MACROD2: variants seen among roughly 807,000 people sequenced by gnomAD.
MACROD2 encodes the protein ADP-ribose glycohydrolase MACROD2.
Under a neutral mutation model 70.4 loss-of-function variants are expected in MACROD2, and 36 were observed. The ratio of observed to expected loss-of-function variants is 0.51; its 90% confidence interval spans 0.39 to 0.68. The LOEUF is 0.68. Ranked by LOEUF, MACROD2 falls within the 30% of genes least tolerant of loss-of-function variation. The pLI is 0.00. For missense variants in MACROD2, 496 were observed against 538.4 expected (o/e 0.92, Z 0.78); for synonymous variants, 172 against 178.8 (o/e 0.96, Z 0.30).
intron 3 of MACROD2, among the ~76,000 whole-genome samples, chr20:14,470,043 G>C (rs1157437446): frequency 6.6e-6 from 1 of 152,050 alleles, no homozygotes; most frequent in East Asian, 1.9e-4. Flanking sequence ...TTTTTGAGCT[G>C]TTTTTTATTC....
intron 8 of MACROD2, among the ~76,000 whole-genome samples, chr20:15,818,221 G>A (rs1334292660): frequency 6.6e-5 from 10 of 152,110 alleles, no homozygotes; most frequent in African/African-American, 2.4e-4. Context: ...GAAAGTAAAG[G>A]AATAAAAAAA....
intron 4 of MACROD2, among the ~76,000 whole-genome samples, chr20:14,526,454 T>C (rs372663226): frequency 1.1e-4 from 16 of 152,214 alleles, no homozygotes; most frequent in African/African-American, 3.9e-4. Context: ...TACATTCCGC[T>C]CATTCACACT....
At chr20:15,193,965 G>A (rs896822481) in intron 5 of MACROD2, among the ~76,000 whole-genome samples, 3 of 152,016 alleles carry the variant, frequency 2.0e-5, no homozygotes, top group Non-Finnish European at 4.4e-5. Context: ...AATCAGGTAG[G>A]CCAGGTGTGG....
At chr20:15,336,943 C>T (rs1177338895) in intron 6 of MACROD2, among the ~76,000 whole-genome samples, 4 of 151,640 alleles carry the variant, frequency 2.6e-5, no homozygotes, top group African/African-American at 9.8e-5. Flanking sequence ...ACAACTATTT[C>T]CTTGAGTATG....
chr20:14,598,141 C>T (rs1180677415), intron 4 of MACROD2, among the ~76,000 whole-genome samples: 3 of 152,114 alleles, frequency 2.0e-5, no homozygotes, highest in Non-Finnish European at 4.4e-5. Flanking sequence ...AGCATTTCTA[C>T]AAGCACTATG....
At chr20:15,975,401 C>T (rs1010957849) in intron 13 of MACROD2, among the ~76,000 whole-genome samples, 2 of 152,072 alleles carry the variant, frequency 1.3e-5, no homozygotes, top group African/African-American at 2.4e-5. Flanking sequence ...CCTAAACTAA[C>T]ACCCACCCAG....
chr20:15,990,963 T>C (rs959398758), intron 15 of MACROD2, among the ~76,000 whole-genome samples: 4 of 152,202 alleles, frequency 2.6e-5, no homozygotes, highest in African/African-American at 9.6e-5. Context: ...TGGGAGCCAA[T>C]GGTCAGCCAT....
intron 5 of MACROD2, among the ~76,000 whole-genome samples, chr20:14,702,456 A>G (rs935072950): frequency 3.3e-5 from 5 of 150,804 alleles, no homozygotes; most frequent in Admixed American, 1.3e-4. Flanking sequence ...ATCCATATAC[A>G]TGGTATTGTG....
intron 4 of MACROD2, among the ~76,000 whole-genome samples, chr20:14,646,438 C>T (rs949072146): frequency 6.6e-6 from 1 of 152,034 alleles, no homozygotes; most frequent in Non-Finnish European, 1.5e-5. Flanking sequence ...CATTAATATT[C>T]AAGTCTATTA....
rs2071967985 is a variant in MACROD2 at position 14,758,208 on chromosome 20, T to G, written c.418+73249T>G. Among the ~76,000 whole-genome samples, 5 of 152,146 alleles carry G rather than the reference T, an allele frequency of 3.3e-5. No homozygotes were observed. In the South Asian group the frequency reaches 1.0e-3, roughly 32 times the overall value. ...TTCTAGTGTCTCCTTTGCTGCGTAT[T>G]TCTTTTGTTTAACCAGAAGATCACT... On this transcript the variant is annotated intron_variant, in intron 5 of 17. Coordinates refer to ENST00000684519, the MANE Select transcript of MACROD2 (RefSeq NM_001351661.2).
In MACROD2 at chr20:14,620,513, A is replaced by T. The variant is rs989787425; in HGVS notation, c.302-64330A>T. On this transcript the variant is annotated intron_variant, in intron 4 of 17. Transcript: ENST00000684519. ...AAAAAGTTTTCTTTTGTTTATCTAG[A>T]TATATATCTCCTCAAATTTAATGAG... Among the ~76,000 whole-genome samples the T allele has an allele frequency of 2.0e-4, 30 of 152,200 alleles. 1 individual carries two copies. The highest frequency in any genetic ancestry group is 7.2e-4 in the African/African-American group (30 of 41,560).
intron 5 of MACROD2, among the ~76,000 whole-genome samples, chr20:14,971,456 G>A (rs2074690546): frequency 6.6e-6 from 1 of 151,702 alleles, no homozygotes; most frequent in Non-Finnish European, 1.5e-5. Context: ...AGGGAGGGGG[G>A]GGACTCTGAA....
intron 3 of MACROD2, among the ~76,000 whole-genome samples, chr20:14,096,141 G>T (rs1473997121): frequency 6.6e-6 from 1 of 152,158 alleles, no homozygotes; most frequent in Non-Finnish European, 1.5e-5. Context: ...TGGACTGAGA[G>T]TGGATTATTT....
chr20:14,110,570 A>AT (rs1490821162), intron 3 of MACROD2, among the ~76,000 whole-genome samples: 1 of 152,054 alleles, frequency 6.6e-6, no homozygotes, highest in East Asian at 1.9e-4. Context: ...AATCAGTAGC[A>AT]TTTTTATATG....
At chr20:15,595,077 AT>A (rs1231845747) in intron 8 of MACROD2, among the ~76,000 whole-genome samples, 1 of 152,102 alleles carries the variant, frequency 6.6e-6, no homozygotes. Context: ...TGTATTCTGC[AT>A]TTCTTAGTTT....
chr20:15,223,927 G>A (rs1651860248), intron 5 of MACROD2, among the ~76,000 whole-genome samples: 1 of 152,156 alleles, frequency 6.6e-6, no homozygotes, highest in South Asian at 2.1e-4. Flanking sequence ...AAGGCAACAT[G>A]GCGTCCACCT....
At chr20:14,950,536 G>A (rs2074467253) in intron 5 of MACROD2, among the ~76,000 whole-genome samples, 1 of 152,148 alleles carries the variant, frequency 6.6e-6, no homozygotes, top group African/African-American at 2.4e-5. Flanking sequence ...TCTCACCAAT[G>A]AACCGGCAAG....
chr20:14,445,581 T>C (rs1265395290), intron 3 of MACROD2, among the ~76,000 whole-genome samples: 1 of 152,118 alleles, frequency 6.6e-6, no homozygotes, highest in Non-Finnish European at 1.5e-5. Flanking sequence ...TTGTTTATCA[T>C]ACAGTGTAAA....
chr20:14,452,773 T>C (rs370718397), intron 3 of MACROD2, among the ~76,000 whole-genome samples: 3 of 152,148 alleles, frequency 2.0e-5, no homozygotes, highest in East Asian at 1.9e-4. Flanking sequence ...TTTGTTCAAA[T>C]GTGGATTTTT....
Sources: allele counts gnomAD v4.1 joint callset (sites outside exome capture counted in the v4.1 genomes callset), GRCh38; gene constraint gnomAD v4.1.1; transcripts MANE v1.5; gene names NCBI Gene and HGNC (gene_info 2026-07-23, HGNC 2026-07-21).